Variants in ESRRB observed in about 807,000 individuals in gnomAD.
The protein encoded by ESRRB is estrogen related receptor beta.
ESRRB carries 16 observed loss-of-function variants against 46.0 expected under a neutral mutation model. The ratio of observed to expected loss-of-function variants is 0.35; its 90% CI spans 0.24 to 0.53. The LOEUF is 0.53. Ranked by LOEUF, ESRRB falls within the 20% of genes least tolerant of loss-of-function variation. The pLI is 0.93. For synonymous variants in ESRRB, 246 were observed against 259.6 expected (o/e 0.95, Z 0.50); for missense variants, 488 against 607.4 (o/e 0.80, Z 2.07).
intron 2 of ESRRB, among the ~76,000 whole-genome samples, chr14:76,461,423 G>A (rs1595141206): frequency 6.6e-6 from 1 of 152,206 alleles, no homozygotes; most frequent in Non-Finnish European, 1.5e-5. Context: ...CCAAGGTCTT[G>A]GCTTCGTGGG....
At chr14:76,331,607 G>T (rs573119379) in intron 1 of ESRRB, among the ~76,000 whole-genome samples, 1 of 152,238 alleles carries the variant, frequency 6.6e-6, no homozygotes, top group East Asian at 1.9e-4. Flanking sequence ...ACTATCTAAG[G>T]TTCTCTGCTT....
chr14:76,350,016 G>A (rs980343558), intron 1 of ESRRB, among the ~76,000 whole-genome samples: 1 of 152,096 alleles, frequency 6.6e-6, no homozygotes, highest in African/African-American at 2.4e-5. Flanking sequence ...TGTTCCTGTG[G>A]GAGACAAGTA....
At chr14:76,400,843 T>G (rs933497098) in intron 1 of ESRRB, among the ~76,000 whole-genome samples, 1 of 152,210 alleles carries the variant, frequency 6.6e-6, no homozygotes. Flanking sequence ...CTCTTCCCAT[T>G]GGTGCTCTGC....
intron 1 of ESRRB, among the ~76,000 whole-genome samples, chr14:76,437,024 G>T (rs1442569102): frequency 3.3e-5 from 5 of 151,956 alleles, no homozygotes; most frequent in African/African-American, 1.2e-4. Context: ...CTCAGGAGGG[G>T]CTAATTAATT....
chr14:76,430,448 G>T (rs1024704455), intron 1 of ESRRB, among the ~76,000 whole-genome samples: 1 of 152,168 alleles, frequency 6.6e-6, no homozygotes, highest in Non-Finnish European at 1.5e-5. Flanking sequence ...GTTCCTTGAA[G>T]AATCATCCTC....
At chr14:76,319,299 A>G (rs906371615) in intron 1 of ESRRB, among the ~76,000 whole-genome samples, 2 of 152,202 alleles carry the variant, frequency 1.3e-5, no homozygotes, top group African/African-American at 4.8e-5. Context: ...CTTTGCAAGG[A>G]AAGAAGAATA....
chr14:76,383,160 G>A (rs114620245), intron 1 of ESRRB, among the ~76,000 whole-genome samples: 31 of 152,302 alleles, frequency 2.0e-4, no homozygotes, highest in Non-Finnish European at 2.8e-4. Flanking sequence ...AAAACTGTAC[G>A]AATGTGAAGT....
At position 76,389,883 on chromosome 14, in the gene ESRRB, A is replaced by G. The variant is rs541967477; in HGVS notation, c.50+13432A>G. Among the ~76,000 whole-genome samples, 63 of 152,298 alleles carry G rather than the reference A, an allele frequency of 4.1e-4. 1 individual carries two copies. Among genetic ancestry groups the G allele is most frequent in the African/African-American group, 1.5e-3 (62 of 41,550 alleles). On this transcript the variant is annotated intron_variant, in intron 1 of 6. Transcript: ENST00000644823. ...CATTTCACTTTACGTTCTTGCCATC[A>G]ATTTACACCTAATGTATGGTGGAAA...
chr14:76,443,908 G>T (rs1888022546), intron 2 of ESRRB, among the ~76,000 whole-genome samples: 1 of 152,208 alleles, frequency 6.6e-6, no homozygotes, highest in Non-Finnish European at 1.5e-5. Context: ...GAACTGAACT[G>T]CTGCAGCCTC....
intron 1 of ESRRB, among the ~76,000 whole-genome samples, chr14:76,337,299 A>C (rs1404637986): frequency 6.6e-6 from 1 of 152,280 alleles, no homozygotes; most frequent in East Asian, 1.9e-4. Context: ...TCTGACATCT[A>C]ACTTGGCAGA....
intron 2 of ESRRB, among the ~76,000 whole-genome samples, chr14:76,452,171 A>AC (rs1294090352): frequency 1.3e-5 from 2 of 151,502 alleles, no homozygotes; most frequent in African/African-American, 4.8e-5. Flanking sequence ...TAAATTCCTG[A>AC]CCTCATGAGC....
intron 2 of ESRRB, among the ~76,000 whole-genome samples, chr14:76,441,532 G>C (rs545252887): frequency 6.6e-6 from 1 of 152,048 alleles, no homozygotes; most frequent in Admixed American, 6.6e-5. Flanking sequence ...GGCTGGTCTC[G>C]AACACCTGGG....
chr14:76,391,889 G>A (rs1240426855), intron 1 of ESRRB, among the ~76,000 whole-genome samples: 1 of 152,190 alleles, frequency 6.6e-6, no homozygotes, highest in Non-Finnish European at 1.5e-5. Context: ...ATGGGGGTGA[G>A]TATCCAAGGG....
chr14:76,435,027 C>T (rs1391789797), intron 1 of ESRRB, among the ~76,000 whole-genome samples: 1 of 152,160 alleles, frequency 6.6e-6, no homozygotes, highest in African/African-American at 2.4e-5. Flanking sequence ...CAGCCTTTTC[C>T]TTCTGTAAGG....
At chr14:76,418,087 C>T (rs1886784646) in intron 1 of ESRRB, among the ~76,000 whole-genome samples, 1 of 151,246 alleles carries the variant, frequency 6.6e-6, no homozygotes. Flanking sequence ...TCCTGATTAG[C>T]TGGGATTACA....
At chr14:76,447,196 G>A (rs180981957) in intron 2 of ESRRB, among the ~76,000 whole-genome samples, 59 of 151,740 alleles carry the variant, frequency 3.9e-4, no homozygotes, top group Middle Eastern at 6.8e-3. Flanking sequence ...AGACCCTCTC[G>A]GCTATTACCT....
chr14:76,318,061 A>G (rs916606068), intron 1 of ESRRB, among the ~76,000 whole-genome samples: 5 of 152,124 alleles, frequency 3.3e-5, no homozygotes, highest in African/African-American at 9.7e-5. Flanking sequence ...TCCTTTTTCA[A>G]AAACAAGTTT....
upstream of ESRRB, chr14:76,371,662 G>A (rs1418866254): frequency 2.0e-5 from 3 of 152,240 alleles, no homozygotes; most frequent in Non-Finnish European, 4.4e-5. Flanking sequence ...AGGAAAATGG[G>A]GATGGGTGAG....
At chr14:76,491,973 AG>A (rs2140051609) in intron 6 of ESRRB, among the ~76,000 whole-genome samples, 1 of 152,350 alleles carries the variant, frequency 6.6e-6, no homozygotes, top group South Asian at 2.1e-4. Context: ...ATGGGTTCTG[AG>A]GCCACATTGC....
Sources: gnomAD v4.1 joint callset for allele counts (sites outside exome capture counted in the v4.1 genomes callset) on GRCh38, gnomAD v4.1.1 for gene constraint, MANE v1.5 for transcripts, NCBI Gene and HGNC (gene_info 2026-07-23, HGNC 2026-07-21) for gene names.